The following TMED3 variants were observed in gnomAD, a reference collection of about 807,000 sequenced individuals.
TMED3 encodes the protein transmembrane p24 trafficking protein 3.
A neutral mutation model predicts 15.0 loss-of-function variants in TMED3; 9 were observed. The ratio of observed to expected loss-of-function variants is 0.60; its 90% CI spans 0.36 to 1.04. TMED3 has a LOEUF of 1.04. Among genes scored for constraint, TMED3 ranks in the 50% least tolerant of loss-of-function variants. TMED3 has a pLI of 0.01. For synonymous variants in TMED3, 117 were observed against 121.4 expected (o/e 0.96, Z 0.24); for missense variants, 267 against 278.9 (o/e 0.96, Z 0.30).
At chr15:79,325,044 G>T (rs140618405), downstream of TMED3, among the ~76,000 whole-genome samples, 370 of 152,322 alleles carry the variant, frequency 2.4e-3, no homozygotes, top group African/African-American at 8.3e-3. Flanking sequence ...AGGCCTGGGT[G>T]GAACTGACAG....
chr15:79,338,119 T>A (rs2058833807), intron 2 of TMED3, among the ~76,000 whole-genome samples: 1 of 152,126 alleles, frequency 6.6e-6, no homozygotes, highest in Admixed American at 6.5e-5. Flanking sequence ...ATGGGAAAAA[T>A]AAATGTGTTC....
intron 2 of TMED3, among the ~76,000 whole-genome samples, chr15:79,315,419 C>T (rs1296831335): frequency 2.0e-5 from 3 of 152,076 alleles, no homozygotes; most frequent in Non-Finnish European, 2.9e-5. Flanking sequence ...AAGATCCAGC[C>T]GAGGGTGTGT....
chr15:79,328,466 A>G (rs961550009), intron 2 of TMED3, among the ~76,000 whole-genome samples: 7 of 152,202 alleles, frequency 4.6e-5, no homozygotes, highest in African/African-American at 1.7e-4. Flanking sequence ...GCAGGTCTAA[A>G]GCCTGTGTGG....
Position 79,311,157 on chromosome 15 carries a change from A to C in TMED3, c.-93A>C. The C allele has an allele frequency of 7.2e-7, 1 of 1,387,156 alleles. No individual in the cohort carries two copies. Among genetic ancestry groups the C allele is most frequent in the South Asian group, 1.4e-5 (1 of 70,392 alleles). 85.9% of individuals were successfully genotyped at this position (1,387,156 alleles called of 1,614,324 possible). A position where few individuals can be genotyped will look rare whatever the true frequency, so the allele number is the denominator to read the frequency against. On this transcript the variant is annotated 5_prime_UTR_variant, in exon 1 of 3. Coordinates refer to ENST00000299705, the MANE Select transcript of TMED3 (RefSeq NM_007364.4). ...CCGCTGGTGCCACGTCTATCCCCTT[A>C]CATCCTCCTAGGACCCGGTCGGTAG...
chr15:79,340,244 T>C (rs780053037), intron 2 of TMED3, among the ~76,000 whole-genome samples: 1 of 152,180 alleles, frequency 6.6e-6, no homozygotes, highest in African/African-American at 2.4e-5. Flanking sequence ...CCTCAAGGAT[T>C]GGGCAGGCAC....
Position 79,311,331 on chromosome 15 carries a change from G to T in TMED3, c.82G>T (p.Glu28Ter). Residue 28 changes from glutamate (E) to a stop codon, truncating the protein, a stop_gained, in exon 1 of 3, where the codon GAG becomes TAG. Coordinates refer to ENST00000299705, the MANE Select transcript of TMED3 (RefSeq NM_007364.4). LOFTEE classifies it high-confidence loss of function. The stretch of plus-strand genomic sequence containing the variant: ...CCGGGCCGAGCAGCCCTGCGGGGCC[G>T]AGCTCACCTTCGAGCTGCCGGACAA... Reference protein sequence around the residue: ...LRRAEQPCGAELTFELPDNAK... With the variant: ...LRRAEQPCGA The T allele has an allele frequency of 6.2e-7, 1 of 1,610,756 alleles. No homozygotes were observed. The highest frequency in any genetic ancestry group is 8.5e-7 in the Non-Finnish European group (1 of 1,179,028).
chr15:79,376,686 A>G (rs374729763), intron 2 of TMED3, among the ~76,000 whole-genome samples: 3 of 152,250 alleles, frequency 2.0e-5, no homozygotes, highest in African/African-American at 7.2e-5. Flanking sequence ...ACCTTTTGGC[A>G]GTCTCACTGA....
chr15:79,362,935 C>CA (rs1893160202), intron 2 of TMED3, among the ~76,000 whole-genome samples: 3 of 151,806 alleles, frequency 2.0e-5, no homozygotes, highest in Non-Finnish European at 4.4e-5. Context: ...ATTCTAAAAA[C>CA]AAAAAAGAGG....
chr15:79,341,226 AAAGAAAGCCAGCAGGGG>A (rs942170731), intron 2 of TMED3, among the ~76,000 whole-genome samples: 7 of 11,000 alleles, frequency 6.4e-4, no homozygotes, highest in Non-Finnish European at 9.2e-4. Context: ...AAAGGTGAAG[AAAGAAAGCCAGCAGGGG>A]AAGAAAGACA....
At chr15:79,384,142 CAG>C (rs1400422501) in intron 2 of TMED3, 1 of 152,232 alleles carries the variant, frequency 6.6e-6, no homozygotes, top group Non-Finnish European at 1.5e-5. Context: ...GGCAAGGTCA[CAG>C]GTACCCAATA....
exon 3 of TMED3, chr15:79,411,437 T>C: frequency 1.4e-6 from 1 of 702,562 alleles, no homozygotes; most frequent in Non-Finnish European, 2.6e-6. Context: ...GTGGACAAGA[T>C]GGTCGACTAT....
intron 2 of TMED3, among the ~76,000 whole-genome samples, chr15:79,388,287 T>C (rs1461124735): frequency 6.6e-6 from 1 of 152,182 alleles, no homozygotes; most frequent in Non-Finnish European, 1.5e-5. Context: ...AAGTCTGCTT[T>C]TATTCCAAGT....
At chr15:79,364,463 G>A (rs1027835593) in intron 2 of TMED3, among the ~76,000 whole-genome samples, 6 of 151,940 alleles carry the variant, frequency 3.9e-5, no homozygotes, top group African/African-American at 1.2e-4. Flanking sequence ...AGAAGAGGTC[G>A]GTTCCCCAGC....
At chr15:79,382,845 G>C in intron 2 of TMED3, 2 of 913,716 alleles carry the variant, frequency 2.2e-6, no homozygotes, top group Non-Finnish European at 1.7e-6. Context: ...GTGCAGGGAA[G>C]CTTCTTTTAT....
Position 79,405,890 on chromosome 15 carries a change from G to A in TMED3, c.418-5510G>A, listed in dbSNP as rs569595027. Among the ~76,000 whole-genome samples, 110 of 152,154 alleles carry A rather than the reference G, an allele frequency of 7.2e-4. 1 individual carries two copies. The highest frequency in any genetic ancestry group is 1.2e-3 in the Non-Finnish European group (83 of 68,016). ...TGTACTCCTGTCCTTCCCACAGAAA[G>A]GTGAGCTGCTTTTTATTCTCCTTAC... On this transcript the variant is annotated intron_variant, in intron 2 of 2. Coordinates refer to the TMED3 transcript ENST00000424155.
At chr15:79,346,362 C>G (rs11072839) in intron 2 of TMED3, among the ~76,000 whole-genome samples, 14,310 of 152,096 alleles carry the variant, frequency 0.094, 712 homozygotes, top group Admixed American at 0.12. Flanking sequence ...ACCAGGTGGA[C>G]ATAATTGAAT....
intron 2 of TMED3, among the ~76,000 whole-genome samples, chr15:79,369,497 G>A (rs965552819): frequency 1.3e-5 from 2 of 152,220 alleles, no homozygotes; most frequent in Admixed American, 6.5e-5. Context: ...TGGGATGCCT[G>A]TGCTTCTTCC....
chr15:79,392,571 G>A lies in TMED3; in HGVS notation c.418-18829G>A, dbSNP rs117064588. ...TAATTTTAGATAACCTGATGACGATGTGCCCAGGCTTCTACTTTTTGAATA... is the reference window on the plus strand; with the variant it reads ...TAATTTTAGATAACCTGATGACGATATGCCCAGGCTTCTACTTTTTGAATA... On this transcript the variant is annotated intron_variant, in intron 2 of 2. Transcript: ENST00000424155. Among the ~76,000 whole-genome samples, 83 of 152,208 alleles carry A rather than the reference G, an allele frequency of 5.5e-4. No individual in the cohort carries two copies. The East Asian group carries it at 0.012, about 21-fold the overall frequency.
chr15:79,364,673 G>A lies in TMED3; in HGVS notation c.418-46727G>A, dbSNP rs1893195248. On this transcript the variant is annotated intron_variant, in intron 2 of 2. Coordinates refer to the TMED3 transcript ENST00000424155. Reference sequence around the variant, plus strand: ...ATGAATGGTGGAACGACACAGCAGAGAAAGAGAGAAGAGGAGGAATGTCTG... The same window carrying A: ...ATGAATGGTGGAACGACACAGCAGAAAAAGAGAGAAGAGGAGGAATGTCTG... Among the ~76,000 whole-genome samples the A allele has an allele frequency of 1.3e-5, 2 of 151,848 alleles. 1 individual carries two copies. The highest frequency in any genetic ancestry group is 4.2e-4 in the South Asian group (2 of 4,788).
Sources: allele counts gnomAD v4.1 joint callset (sites outside exome capture counted in the v4.1 genomes callset), GRCh38; gene constraint gnomAD v4.1.1; transcripts MANE v1.5; gene names NCBI Gene and HGNC (gene_info 2026-07-23, HGNC 2026-07-21).